The following SCN11A variants were observed in gnomAD, a reference collection of about 807,000 sequenced individuals.
The protein encoded by SCN11A is sodium channel protein type 11 subunit alpha.
In SCN11A, 122 loss-of-function variants were observed where a neutral mutation model predicts 162.2. The observed-to-expected ratio is 0.75, with a 90% CI of 0.65 to 0.87. The LOEUF (loss-of-function observed/expected upper bound fraction) is 0.87, where lower values mean the gene tolerates loss of function less well. Ranked by LOEUF, SCN11A falls within the 40% of genes least tolerant of loss-of-function variation. The pLI is 0.00. For synonymous variants in SCN11A, 758 were observed against 751.5 expected (o/e 1.01, Z -0.14); for missense variants, 2,015 against 2,181.6 (o/e 0.92, Z 1.52).
At chr3:38,931,881 A>G (rs1286498098) in intron 7 of SCN11A, among the ~76,000 whole-genome samples, 1 of 152,194 alleles carries the variant, frequency 6.6e-6, no homozygotes, top group African/African-American at 2.4e-5. Flanking sequence ...AAGCCATTCC[A>G]TTCACAAGAA....
intron 19 of SCN11A, among the ~76,000 whole-genome samples, chr3:38,888,612 T>C (rs1310492468): frequency 2.0e-5 from 3 of 152,238 alleles, no homozygotes; most frequent in Admixed American, 6.5e-5. Context: ...TCCTGGATGA[T>C]AGCATGATAA....
At chr3:38,870,600 G>A in intron 26 of SCN11A, 91 bp downstream of exon 26, 1 of 1,051,290 alleles carries the variant, frequency 9.5e-7, no homozygotes, top group Non-Finnish European at 1.4e-6. Context: ...CCAGCTGCTG[G>A]AACTATGACG....
chr3:38,901,188 A>G (rs973936154), intron 16 of SCN11A, among the ~76,000 whole-genome samples: 6 of 152,246 alleles, frequency 3.9e-5, no homozygotes, highest in Non-Finnish European at 7.3e-5. Flanking sequence ...TCAATGATTT[A>G]CTATTTATTT....
intron 2 of SCN11A, among the ~76,000 whole-genome samples, chr3:38,977,465 A>G (rs1245748585): frequency 6.6e-6 from 1 of 152,344 alleles, no homozygotes; most frequent in African/African-American, 2.4e-5. Context: ...GTAGGCAGTC[A>G]TGAGGTTGAT....
At position 38,846,723 on chromosome 3, in the gene SCN11A, C is replaced by A; in HGVS notation, c.5347G>T (p.Val1783Leu). 1 of 1,614,076 alleles carries A rather than the reference C, an allele frequency of 6.2e-7. No individual in the cohort carries two copies. The highest frequency in any genetic ancestry group is 8.5e-7 in the Non-Finnish European group (1 of 1,180,008). ...TCACAGTGGACCTTGCCCTTGGCCA[C>A]CCCAAAGCTAGACAAGTCTCCATTG... ...LCNGDLSSFG[V>L]AKGKVHCD The change falls in exon 30 of 30, where the codon GTG becomes TTG. Residue 1783 changes from valine to leucine, a missense_variant. Coordinates refer to ENST00000302328, the MANE Select transcript of SCN11A (RefSeq NM_001349253.2).
At chr3:38,934,365 C>T (rs1331732965) in intron 7 of SCN11A, among the ~76,000 whole-genome samples, 3 of 151,916 alleles carry the variant, frequency 2.0e-5, no homozygotes, top group Non-Finnish European at 2.9e-5. Context: ...ATCAAATTCA[C>T]ACATAACAAT....
At chr3:38,973,751 T>C (rs1186117185) in intron 2 of SCN11A, among the ~76,000 whole-genome samples, 1 of 152,230 alleles carries the variant, frequency 6.6e-6, no homozygotes, top group African/African-American at 2.4e-5. Context: ...CTGAAGATCT[T>C]AGGCTTCCAC....
chr3:39,040,801 G>A (rs539140050), intron 1 of SCN11A, among the ~76,000 whole-genome samples: 3 of 152,196 alleles, frequency 2.0e-5, no homozygotes, highest in East Asian at 1.9e-4. Flanking sequence ...TCTGAAGGCC[G>A]GGCATGGTGG....
At chr3:39,011,672 C>G (rs756950689) in intron 2 of SCN11A, among the ~76,000 whole-genome samples, 3 of 152,188 alleles carry the variant, frequency 2.0e-5, no homozygotes, top group Non-Finnish European at 4.4e-5. Context: ...TCAGGTTGCT[C>G]ATTTATTTCT....
chr3:38,985,412 G>A (rs1559564598), intron 2 of SCN11A, among the ~76,000 whole-genome samples: 1 of 150,728 alleles, frequency 6.6e-6, no homozygotes, highest in Non-Finnish European at 1.5e-5. Flanking sequence ...TTACAGGCGT[G>A]AGCCACCGCA....
chr3:38,951,478 A>G (rs2066615526), intron 4 of SCN11A, among the ~76,000 whole-genome samples: 2 of 152,290 alleles, frequency 1.3e-5, no homozygotes, highest in African/African-American at 4.8e-5. Flanking sequence ...CCCGACAAGC[A>G]CCGCCCTCTG....
intron 7 of SCN11A, among the ~76,000 whole-genome samples, chr3:38,927,206 G>A (rs2066156936): frequency 6.6e-6 from 1 of 152,156 alleles, no homozygotes; most frequent in African/African-American, 2.4e-5. Flanking sequence ...GGTAACATGA[G>A]ACCCAAGCAC....
intron 2 of SCN11A, among the ~76,000 whole-genome samples, chr3:38,973,242 C>T (rs1389703919): frequency 6.6e-6 from 1 of 152,070 alleles, no homozygotes; most frequent in Non-Finnish European, 1.5e-5. Flanking sequence ...AGTTTTATCA[C>T]AAGAAAATGT....
intron 2 of SCN11A, among the ~76,000 whole-genome samples, chr3:39,021,391 G>A (rs938820988): frequency 6.6e-6 from 1 of 152,112 alleles, no homozygotes; most frequent in Non-Finnish European, 1.5e-5. Context: ...TTAGCCTAAT[G>A]GCCTCCCTAT....
intron 2 of SCN11A, among the ~76,000 whole-genome samples, chr3:38,990,760 G>C (rs75950305): frequency 0.036 from 5,427 of 152,164 alleles, 209 homozygotes; most frequent in East Asian, 0.18. Context: ...AGAAAATCAT[G>C]GCATGAAAAG....
chr3:38,897,363 C>T (rs1022425170), intron 17 of SCN11A, 138 bp from the exon 18 acceptor site: 2 of 751,596 alleles, frequency 2.7e-6, no homozygotes, highest in Non-Finnish European at 2.1e-6. Flanking sequence ...CTATCCTGAA[C>T]ATAGCCATCA....
At chr3:39,034,151 G>C (rs1325983118) in intron 1 of SCN11A, among the ~76,000 whole-genome samples, 1 of 147,846 alleles carries the variant, frequency 6.8e-6, no homozygotes, top group African/African-American at 2.7e-5. Context: ...AACAGAGTGA[G>C]ACTCCATCTC....
chr3:38,901,765 T>C (rs2065704223), intron 16 of SCN11A, among the ~76,000 whole-genome samples: 1 of 152,148 alleles, frequency 6.6e-6, no homozygotes, highest in African/African-American at 2.4e-5. Flanking sequence ...GTATTGTATG[T>C]CCAGGGAGTA....
At chr3:38,965,690 CCTTT>C (rs1164597367) in intron 2 of SCN11A, among the ~76,000 whole-genome samples, 4 of 152,310 alleles carry the variant, frequency 2.6e-5, no homozygotes, top group Non-Finnish European at 4.4e-5. Context: ...TTCTGTGAAG[CCTTT>C]CTTTTTCTTT....
Sources: allele counts gnomAD v4.1 joint callset (sites outside exome capture counted in the v4.1 genomes callset), GRCh38; gene constraint gnomAD v4.1.1; transcripts MANE v1.5; gene names NCBI Gene and HGNC (gene_info 2026-07-23, HGNC 2026-07-21).